Variants in DNAL4 observed in about 807,000 individuals in gnomAD.
DNAL4 encodes dynein axonemal light chain 4, also known as dynein light chain, outer arm 4.
In DNAL4, 10 loss-of-function variants were observed where a neutral mutation model predicts 12.6. The ratio of observed to expected loss-of-function variants is 0.79; its 90% CI spans 0.49 to 1.34. The LOEUF (loss-of-function observed/expected upper bound fraction) is 1.34. DNAL4 is among the 40% of genes most tolerant of loss of function. The pLI is 0.00. For synonymous variants in DNAL4, 46 were observed against 53.1 expected (o/e 0.87, Z 0.58); for missense variants, 128 against 138.1 (o/e 0.93, Z 0.37).
chr22:38,787,094 G>A (rs1315138581), intron 1 of DNAL4, among the ~76,000 whole-genome samples: 3 of 152,078 alleles, frequency 2.0e-5, no homozygotes, highest in Non-Finnish European at 4.4e-5. Context: ...CCATGCACCT[G>A]AGAGATTGCA....
At chr22:38,788,080 C>T (rs1375338546) in intron 1 of DNAL4, among the ~76,000 whole-genome samples, 1 of 152,324 alleles carries the variant, frequency 6.6e-6, no homozygotes, top group South Asian at 2.1e-4. Flanking sequence ...CTCTTGCTTC[C>T]CGCCACATTG....
rs944519988 is a variant in DNAL4 at position 38,781,004 on chromosome 22, C to T, written c.75G>A (p.Ser25=). The change falls in exon 3 of 4, where the codon TCG becomes TCA. Residue 25 remains serine (S), a synonymous_variant. Coordinates refer to ENST00000216068, the MANE Select transcript of DNAL4 (RefSeq NM_005740.3). ...RLQTFPLVRH[S]DMPEEMRVET... Reference sequence around the variant, plus strand: ...CCACGCGCATCTCCTCTGGCATGTCCGAGTGCTAGAGACAGGGCAGGGGTA... The same window carrying T: ...CCACGCGCATCTCCTCTGGCATGTCTGAGTGCTAGAGACAGGGCAGGGGTA... The T allele has an allele frequency of 8.1e-6, 13 of 1,614,014 alleles. No homozygotes were observed. Among genetic ancestry groups the T allele is most frequent in the East Asian group, 2.2e-5 (1 of 44,868 alleles).
chr22:38,786,573 CA>C (rs547094731), intron 1 of DNAL4, among the ~76,000 whole-genome samples: 135 of 152,096 alleles, frequency 8.9e-4, no homozygotes, highest in Admixed American at 3.0e-3. Flanking sequence ...CAAAACAAAA[CA>C]AAACAAAACA....
rs1333242290 is a variant in DNAL4, at chr22:38,778,537, C to T, written c.*912G>A. The T allele has an allele frequency of 6.6e-6, 1 of 152,666 alleles. No individual in the cohort carries two copies. The highest frequency in any genetic ancestry group is 1.5e-5 in the Non-Finnish European group (1 of 68,048). 9.5% of individuals were successfully genotyped at this position (152,666 alleles called of 1,614,324 possible). ...TTTTTGGTCATTTTAATTGTAAAAA[C>T]CAAGACATTTATATAAATAAGACCG... On this transcript the variant is annotated 3_prime_UTR_variant, in exon 4 of 4. Transcript: ENST00000216068.
chr22:38,784,982 C>A (rs554221424), intron 1 of DNAL4, among the ~76,000 whole-genome samples: 21 of 150,458 alleles, frequency 1.4e-4, no homozygotes, highest in African/African-American at 3.7e-4. Flanking sequence ...CAGACCCCCC[C>A]CCCCATCCAA....
chr22:38,790,593 A>C (rs1450530730), intron 1 of DNAL4, among the ~76,000 whole-genome samples: 2 of 152,190 alleles, frequency 1.3e-5, no homozygotes, highest in African/African-American at 4.8e-5. Flanking sequence ...TCACCAAGTC[A>C]TGGGCTATCG....
chr22:38,785,385 C>G (rs2093040768), intron 1 of DNAL4: 1 of 152,180 alleles, frequency 6.6e-6, no homozygotes, highest in African/African-American at 2.4e-5. Context: ...TAGGCATCTT[C>G]CACTGAGATG....
In DNAL4 at chr22:38,782,705, A is replaced by G. The variant is rs761622559; in HGVS notation, c.27T>C (p.Asp9=). ...TCTGCAGTCGCTTATAATCAGCCTC[A>G]TCTTTCTTCCCTTCTGTTTCTCCCA... The part of the protein sequence containing the change: MGETEGKK[D]EADYKRLQTF... The change falls in exon 2 of 4, where the codon GAT becomes GAC. Residue 9 remains aspartate, a synonymous_variant. Coordinates refer to ENST00000216068, the MANE Select transcript of DNAL4 (RefSeq NM_005740.3). The surrounding 1 kb of genome is among the most constrained non-coding windows in gnomAD (Gnocchi z 5.1). 1 of 1,613,276 alleles carries G rather than the reference A, an allele frequency of 6.2e-7. No homozygotes were observed. Among genetic ancestry groups the G allele is most frequent in the South Asian group, 1.1e-5 (1 of 90,916 alleles).
chr22:38,782,786 C>G lies in DNAL4; in HGVS notation c.-55G>C. On this transcript the variant is annotated 5_prime_UTR_variant, in exon 2 of 4. Transcript: ENST00000216068. The surrounding 1 kb of genome is among the most constrained non-coding windows in gnomAD (Gnocchi z 5.1). ...GTGGGGCTTTCAGGAGGTGCTGGGA[C>G]TGGCAGTTAAGACACACCCAGGAGA... is the stretch of plus-strand genomic sequence containing the variant. 2.6e-6 allele frequency: 4 copies of G among 1,551,824 alleles called. No individual in the cohort carries two copies. The highest frequency in any genetic ancestry group is 3.5e-6 in the Non-Finnish European group (4 of 1,145,032).
chr22:38,788,582 T>C lies in DNAL4; in HGVS notation c.-140+5486A>G, dbSNP rs138752947. Among the ~76,000 whole-genome samples the C allele has an allele frequency of 2.5e-3, 378 of 152,230 alleles. 2 individuals are homozygous for C. Among genetic ancestry groups the C allele is most frequent in the African/African-American group, 8.7e-3 (360 of 41,508 alleles). On this transcript the variant is annotated intron_variant, in intron 1 of 3. Transcript: ENST00000216068. Reference sequence around the variant, plus strand: ...GTGATAAGTGACATTGACTCACACATGCACCCTCAAGGACTTAGCCAGACT... The same window carrying C: ...GTGATAAGTGACATTGACTCACACACGCACCCTCAAGGACTTAGCCAGACT...
rs371288224 is a variant in DNAL4 at position 38,789,857 on chromosome 22, C to A, written c.-140+4211G>T. Reference sequence around the variant, plus strand: ...GACGAGGTGAGGAAGACCTTCCAGGCGGATGAACACAACAGTGCCAAGGCA... The same window carrying A: ...GACGAGGTGAGGAAGACCTTCCAGGAGGATGAACACAACAGTGCCAAGGCA... On this transcript the variant is annotated intron_variant, in intron 1 of 3. Transcript: ENST00000216068. Among the ~76,000 whole-genome samples, 9 of 152,240 alleles carry A rather than the reference C, an allele frequency of 5.9e-5. No individual in the cohort carries two copies. In the South Asian group the frequency reaches 1.0e-3, roughly 18 times the overall value.
intron 1 of DNAL4, among the ~76,000 whole-genome samples, chr22:38,790,598 C>T (rs1378480305): frequency 6.6e-6 from 1 of 152,110 alleles, no homozygotes; most frequent in Admixed American, 6.5e-5. Context: ...AAGTCATGGG[C>T]TATCGGGGCA....
intron 2 of DNAL4, among the ~76,000 whole-genome samples, chr22:38,781,859 G>C (rs1015191862): frequency 5.9e-5 from 9 of 152,106 alleles, no homozygotes; most frequent in South Asian, 2.1e-4. Flanking sequence ...TCCGTGAGCC[G>C]CACCCAGCCA....
chr22:38,785,109 G>T (rs1399605223), intron 1 of DNAL4, among the ~76,000 whole-genome samples: 2 of 152,124 alleles, frequency 1.3e-5, no homozygotes, highest in African/African-American at 4.8e-5. Context: ...CTACAAGCTG[G>T]TGAATTACCA....
chr22:38,787,290 G>A (rs1028647148), intron 1 of DNAL4, among the ~76,000 whole-genome samples: 3 of 150,136 alleles, frequency 2.0e-5, no homozygotes, highest in Admixed American at 1.3e-4. Flanking sequence ...TGCACAGGCT[G>A]GAGTGTAGTG....
chr22:38,790,093 T>C (rs1384847026), intron 1 of DNAL4, among the ~76,000 whole-genome samples: 8 of 152,086 alleles, frequency 5.3e-5, no homozygotes, highest in Non-Finnish European at 1.0e-4. Flanking sequence ...ACTCAAGTGA[T>C]GCTCCCACTT....
At chr22:38,780,679 A>G in intron 3 of DNAL4, 1 of 502,188 alleles carries the variant, frequency 2.0e-6, no homozygotes, top group Non-Finnish European at 3.6e-6. Context: ...TGAGGCAGGG[A>G]ACATGGGCAG....
chr22:38,784,940 C>T (rs1010315104), intron 1 of DNAL4, among the ~76,000 whole-genome samples: 7 of 151,404 alleles, frequency 4.6e-5, no homozygotes, highest in African/African-American at 1.7e-4. Flanking sequence ...TCCATTTGGT[C>T]GGCTCCCTCG....
chr22:38,786,437 T>C (rs2093042316), intron 1 of DNAL4, among the ~76,000 whole-genome samples: 1 of 152,268 alleles, frequency 6.6e-6, no homozygotes, highest in Admixed American at 6.5e-5. Context: ...TACATGCCTG[T>C]AATCCCAGCT....
Sources: gnomAD v4.1 joint callset for allele counts (sites outside exome capture counted in the v4.1 genomes callset) on GRCh38, gnomAD v4.1.1 for gene constraint, Gnocchi (gnomAD v3.1) non-coding constraint, MANE v1.5 for transcripts, NCBI Gene and HGNC (gene_info 2026-07-23, HGNC 2026-07-21) for gene names.